The following PTPRM variants were observed in gnomAD, a reference collection of about 807,000 sequenced individuals.
PTPRM encodes receptor-type tyrosine-protein phosphatase mu.
Under a neutral mutation model 186.7 loss-of-function variants are expected in PTPRM, and 47 were observed. That is an observed-to-expected ratio of 0.25 (90% CI 0.20 to 0.32). The LOEUF (loss-of-function observed/expected upper bound fraction) is 0.32, where lower values mean the gene tolerates loss of function less well. Among genes scored for constraint, PTPRM ranks in the 10% least tolerant of loss-of-function variants. The pLI is 1.00. For missense variants in PTPRM, 1,494 were observed against 1,865.0 expected (o/e 0.80, Z 3.66); for synonymous variants, 668 against 674.9 (o/e 0.99, Z 0.16).
chr18:8,114,770 C>T, intron 12 of PTPRM, 21 bp from the exon 13 acceptor site: 1 of 1,589,276 alleles, frequency 6.3e-7, no homozygotes, highest in Admixed American at 1.7e-5. Flanking sequence ...AATGATTTTT[C>T]CCTCTCTTTA....
At chr18:8,085,533 A>G (rs1041000453) in intron 9 of PTPRM, 138 bp from the exon 10 acceptor site, 2 of 733,294 alleles carry the variant, frequency 2.7e-6, no homozygotes, top group Admixed American at 5.1e-5. Flanking sequence ...CCTTCAGTGG[A>G]TTCAGGATTT....
chr18:8,229,158 A>G (rs1045710662), intron 14 of PTPRM, among the ~76,000 whole-genome samples: 6 of 152,134 alleles, frequency 3.9e-5, no homozygotes, highest in African/African-American at 1.4e-4. Flanking sequence ...GACAAGCAGA[A>G]TAAGAACAAA....
intron 1 of PTPRM, chr18:7,749,386 T>C (rs2041103803): frequency 6.6e-6 from 1 of 152,196 alleles, no homozygotes; most frequent in South Asian, 2.1e-4. Flanking sequence ...ACAGGGGTTT[T>C]GTCTTTAAAT....
At chr18:7,695,363 A>T (rs575949687) in intron 1 of PTPRM, among the ~76,000 whole-genome samples, 85 of 152,292 alleles carry the variant, frequency 5.6e-4, no homozygotes, top group African/African-American at 2.0e-3. Flanking sequence ...TCTTCGAGTC[A>T]CTAGAGATGG....
chr18:8,347,212 A>C (rs1292261773), intron 23 of PTPRM, among the ~76,000 whole-genome samples: 2 of 152,246 alleles, frequency 1.3e-5, no homozygotes, highest in Admixed American at 6.5e-5. Context: ...TTACAGGAAG[A>C]GTCCTCAGTA....
chr18:7,771,296 T>A (rs2042258849), intron 1 of PTPRM, among the ~76,000 whole-genome samples: 1 of 152,236 alleles, frequency 6.6e-6, no homozygotes, highest in Non-Finnish European at 1.5e-5. Flanking sequence ...TCATTCTTTT[T>A]GAATGTTATT....
intron 23 of PTPRM, chr18:8,364,782 A>G (rs2095618157): frequency 6.6e-6 from 1 of 152,192 alleles, no homozygotes; most frequent in Non-Finnish European, 1.5e-5. Flanking sequence ...CTTCCCCTTT[A>G]AAGTTGTATT....
chr18:7,611,072 A>G (rs1307600391), intron 1 of PTPRM, among the ~76,000 whole-genome samples: 3 of 152,220 alleles, frequency 2.0e-5, no homozygotes, highest in African/African-American at 7.2e-5. Flanking sequence ...AACAAACAAA[A>G]AAAGAAAAAC....
chr18:8,256,443 TATATCTGGC>T (rs1457424079), intron 19 of PTPRM, among the ~76,000 whole-genome samples: 1 of 152,212 alleles, frequency 6.6e-6, no homozygotes, highest in Non-Finnish European at 1.5e-5. Flanking sequence ...GTGCTAGAAT[TATATCTGGC>T]ATATAGTAAG....
At chr18:8,112,551 T>G (rs1296027471) in intron 11 of PTPRM, among the ~76,000 whole-genome samples, 1 of 152,244 alleles carries the variant, frequency 6.6e-6, no homozygotes, top group East Asian at 1.9e-4. Context: ...TAATCTGGAC[T>G]CAGTTCAGGG....
chr18:8,023,871 C>CACACGT (rs1555694918), intron 7 of PTPRM, among the ~76,000 whole-genome samples: 16 of 73,860 alleles, frequency 2.2e-4, no homozygotes, highest in Admixed American at 5.0e-4. Context: ...CACACACACA[C>CACACGT]GCACACCCCT....
chr18:8,315,041 G>C (rs2095298507), intron 21 of PTPRM, among the ~76,000 whole-genome samples, 184 bp downstream of exon 21: 1 of 152,114 alleles, frequency 6.6e-6, no homozygotes, highest in Non-Finnish European at 1.5e-5. Flanking sequence ...CATACATTGG[G>C]CTCAATCTAA....
intron 1 of PTPRM, among the ~76,000 whole-genome samples, chr18:7,764,925 A>G (rs750218839): frequency 1.3e-5 from 2 of 152,228 alleles, no homozygotes; most frequent in Non-Finnish European, 2.9e-5. Flanking sequence ...GGTATAGAGG[A>G]TAAGAGCACC....
At chr18:7,898,367 C>G (rs906179165) in intron 3 of PTPRM, among the ~76,000 whole-genome samples, 10 of 152,124 alleles carry the variant, frequency 6.6e-5, no homozygotes, top group Non-Finnish European at 1.5e-4. Flanking sequence ...TAAGCAAATC[C>G]CTTTCTTTGC....
chr18:8,342,579 C>A (rs1340451320), intron 22 of PTPRM, among the ~76,000 whole-genome samples: 3 of 152,198 alleles, frequency 2.0e-5, no homozygotes, highest in African/African-American at 7.2e-5. Context: ...ACTCTCCAAG[C>A]CTTTGAAGTT....
chr18:7,666,300 G>A (rs1183175413), intron 1 of PTPRM, among the ~76,000 whole-genome samples: 1 of 151,864 alleles, frequency 6.6e-6, no homozygotes, highest in African/African-American at 2.4e-5. Flanking sequence ...CAAAGACCTG[G>A]ATTCTTGCTT....
intron 19 of PTPRM, among the ~76,000 whole-genome samples, chr18:8,256,491 G>GA (rs147458301): frequency 0.035 from 5,288 of 152,054 alleles, 304 homozygotes; most frequent in African/African-American, 0.12. Flanking sequence ...GGTAGTAGAA[G>GA]AAAAAAAATA....
At chr18:8,338,460 T>C (rs1310638616) in intron 22 of PTPRM, among the ~76,000 whole-genome samples, 1 of 151,874 alleles carries the variant, frequency 6.6e-6, no homozygotes, top group Non-Finnish European at 1.5e-5. Context: ...GTGAGGACTG[T>C]GTGGTACACA....
intron 23 of PTPRM, among the ~76,000 whole-genome samples, chr18:8,363,008 TA>T (rs1182368040): frequency 6.6e-6 from 1 of 152,238 alleles, no homozygotes; most frequent in Non-Finnish European, 1.5e-5. Context: ...TAGTGACTAT[TA>T]GAACTATGTC....
Sources: gnomAD v4.1 joint callset for allele counts (sites outside exome capture counted in the v4.1 genomes callset) on GRCh38, gnomAD v4.1.1 for gene constraint, MANE v1.5 for transcripts, NCBI Gene and HGNC (gene_info 2026-07-23, HGNC 2026-07-21) for gene names.